Variants in BST1 observed in about 807,000 individuals in gnomAD.
The protein encoded by BST1 is bone marrow stromal cell antigen 1.
A neutral mutation model predicts 40.6 loss-of-function variants in BST1; 49 were observed. The ratio of observed to expected loss-of-function variants is 1.21; its 90% CI spans 0.96 to 1.53. BST1 has a LOEUF of 1.53. Ranked by LOEUF, BST1 falls within the 40% of genes most tolerant of loss-of-function variation. The pLI is 0.00. For synonymous variants in BST1, 157 were observed against 159.3 expected, an observed-to-expected ratio of 0.99 and a Z score of 0.11; for missense variants, 423 against 395.9, an observed-to-expected ratio of 1.07 and a Z score of -0.58.
intron 7 of BST1, among the ~76,000 whole-genome samples, chr4:15,720,313 C>T (rs1386512118): frequency 6.6e-6 from 1 of 152,106 alleles, no homozygotes; most frequent in East Asian, 1.9e-4. Flanking sequence ...TCCAGTAGTA[C>T]ATTTTAAAAA....
intron 3 of BST1, among the ~76,000 whole-genome samples, chr4:15,710,484 C>T (rs1298565521): frequency 2.0e-5 from 3 of 152,112 alleles, no homozygotes; most frequent in Admixed American, 2.0e-4. Flanking sequence ...ATACAATACA[C>T]TATTGTTAGC....
chr4:15,723,229 T>C (rs575254464), intron 8 of BST1, among the ~76,000 whole-genome samples: 1 of 152,310 alleles, frequency 6.6e-6, no homozygotes, highest in East Asian at 1.9e-4. Context: ...GAGCAATCTG[T>C]AGGATGGTCA....
the BST1 span, among the ~76,000 whole-genome samples, chr4:15,764,812 C>G: frequency 6.6e-6 from 1 of 151,596 alleles, no homozygotes; most frequent in African/African-American, 2.4e-5. Context: ...GTGATTGGCT[C>G]ATAAATGGGC....
At chr4:15,742,810 A>T (rs1721777093), downstream of BST1, among the ~76,000 whole-genome samples, 1 of 152,238 alleles carries the variant, frequency 6.6e-6, no homozygotes, top group Non-Finnish European at 1.5e-5. Context: ...ACTAAGGCAT[A>T]CAGTGCAGAA....
chr4:15,749,896 C>G, the BST1 span, among the ~76,000 whole-genome samples: 5 of 150,800 alleles, frequency 3.3e-5, no homozygotes, highest in Non-Finnish European at 5.9e-5. Context: ...TATAGTCACC[C>G]TATTGTGTTA....
At chr4:15,733,640 G>A (rs1326718121), downstream of BST1, among the ~76,000 whole-genome samples, 1 of 152,230 alleles carries the variant, frequency 6.6e-6, no homozygotes. Flanking sequence ...AGGCAAAAGG[G>A]AAGCAGTCAT....
Position 15,715,770 on chromosome 4 carries a change from G to A in BST1, c.675G>A (p.Trp225Ter), listed in dbSNP as rs1169141912. The A allele has an allele frequency of 5.6e-6, 9 of 1,595,782 alleles. No individual in the cohort carries two copies. The highest frequency in any genetic ancestry group is 6.8e-6 in the Non-Finnish European group (8 of 1,174,236). The change falls in exon 6 of 9, where the codon TGG becomes TGA. Residue 225 changes from tryptophan (W) to a stop codon, truncating the protein, a stop_gained. Transcript: ENST00000265016. LOFTEE classifies it high-confidence loss of function. ...AAAAAATTACACGAATCGAGATCTG[G>A]GTTATGCATGAAATTGGGGGACCCA... is the stretch of plus-strand genomic sequence containing the variant. ...QKEKITRIEI[W>*]VMHEIGGPNV...
At chr4:15,705,840 A>G (rs191707139) in intron 2 of BST1, among the ~76,000 whole-genome samples, 199 bp downstream of exon 2, 11 of 152,354 alleles carry the variant, frequency 7.2e-5, no homozygotes, top group African/African-American at 2.6e-4. Flanking sequence ...ACATTGCTAT[A>G]AAGAAATGCC....
chr4:15,771,343 G>A, the BST1 span, among the ~76,000 whole-genome samples: 1 of 152,210 alleles, frequency 6.6e-6, no homozygotes, highest in Admixed American at 6.5e-5. Context: ...GTGGTAGGAG[G>A]ATCTGGGTAG....
chr4:15,706,125 A>G (rs1409586843), intron 2 of BST1, among the ~76,000 whole-genome samples: 1 of 152,176 alleles, frequency 6.6e-6, no homozygotes, highest in Non-Finnish European at 1.5e-5. Flanking sequence ...ACCTCACACC[A>G]GGCCCCACCT....
At chr4:15,727,810 T>C (rs1477156723) in intron 8 of BST1, among the ~76,000 whole-genome samples, 1 of 152,076 alleles carries the variant, frequency 6.6e-6, no homozygotes, top group Non-Finnish European at 1.5e-5. Flanking sequence ...TGCTCAAATA[T>C]GTTCTCCAGA....
intron 8 of BST1, among the ~76,000 whole-genome samples, chr4:15,727,106 AT>A (rs1306096462): frequency 1.3e-5 from 2 of 152,142 alleles, no homozygotes; most frequent in Admixed American, 6.5e-5. Flanking sequence ...AGACAGTTTG[AT>A]TGTCATCAAT....
chr4:15,758,983 C>T, the BST1 span, among the ~76,000 whole-genome samples: 1 of 151,926 alleles, frequency 6.6e-6, no homozygotes, highest in Non-Finnish European at 1.5e-5. Flanking sequence ...TGTAGGAAAT[C>T]ATGGCTAAGA....
chr4:15,719,488 G>A (rs909300845), intron 7 of BST1, among the ~76,000 whole-genome samples: 1 of 152,072 alleles, frequency 6.6e-6, no homozygotes, highest in African/African-American at 2.4e-5. Context: ...TATCATTTGT[G>A]GGCCTTGTTG....
At chr4:15,755,345 G>C in the BST1 span, among the ~76,000 whole-genome samples, 1,351 of 152,242 alleles carry the variant, frequency 8.9e-3, 19 homozygotes, top group African/African-American at 0.03. Flanking sequence ...CACCATGTTT[G>C]TCTGGCTGGT....
chr4:15,740,135 C>A (rs561875948), downstream of BST1, among the ~76,000 whole-genome samples: 2 of 152,168 alleles, frequency 1.3e-5, no homozygotes, highest in Non-Finnish European at 2.9e-5. Context: ...CTCACTGCAA[C>A]GTCTGCCTCC....
At chr4:15,772,336 C>T in the BST1 span, among the ~76,000 whole-genome samples, 1 of 152,070 alleles carries the variant, frequency 6.6e-6, no homozygotes, top group Non-Finnish European at 1.5e-5. Context: ...AAAGTACATG[C>T]CCAGAACAAG....
downstream of BST1, chr4:15,737,771 T>C: frequency 1.6e-6 from 2 of 1,285,434 alleles, no homozygotes; most frequent in Non-Finnish European, 2.0e-6. Flanking sequence ...ACAAGGTACT[T>C]TCTGAACCTG....
intron 8 of BST1, among the ~76,000 whole-genome samples, chr4:15,729,478 T>C (rs763897058): frequency 2.6e-5 from 4 of 152,240 alleles, no homozygotes; most frequent in Non-Finnish European, 5.9e-5. Context: ...ATAATAATAA[T>C]AACTTAACCT....
Sources: allele counts gnomAD v4.1 joint callset (sites outside exome capture counted in the v4.1 genomes callset), GRCh38; gene constraint gnomAD v4.1.1; transcripts MANE v1.5; gene names NCBI Gene and HGNC (gene_info 2026-07-23, HGNC 2026-07-21).